The following ZDHHC6 variants were observed in gnomAD, a reference collection of about 807,000 sequenced individuals.
The protein encoded by ZDHHC6 is zDHHC palmitoyltransferase 6.
Under a neutral mutation model 57.8 loss-of-function variants are expected in ZDHHC6, and 32 were observed. The ratio of observed to expected loss-of-function variants is 0.55; its 90% CI spans 0.42 to 0.74. ZDHHC6 has a LOEUF of 0.74. Ranked by LOEUF, ZDHHC6 falls within the 30% of genes least tolerant of loss-of-function variation. The pLI is 0.00. For missense variants in ZDHHC6, 433 were observed against 500.7 expected (o/e 0.86, Z 1.29); for synonymous variants, 128 against 158.0 (o/e 0.81, Z 1.42).
chr10:112,427,388 C>G (rs778546093), downstream of ZDHHC6: 6 of 1,554,912 alleles, frequency 3.9e-6, no homozygotes, highest in Non-Finnish European at 5.2e-6. Flanking sequence ...TGCCGGCCCA[C>G]TGTGCACTGC....
chr10:112,442,834 T>C (rs561240972), intron 3 of ZDHHC6, among the ~76,000 whole-genome samples: 5 of 152,320 alleles, frequency 3.3e-5, no homozygotes, highest in Admixed American at 1.3e-4. Context: ...AATGGATCTC[T>C]GAGCTAAGCA....
downstream of ZDHHC6, chr10:112,427,452 AT>A (rs879295674): frequency 2.1e-3 from 2,494 of 1,214,932 alleles, no homozygotes; most frequent in South Asian, 2.3e-3. Context: ...CTTTCCTCCT[AT>A]TTTTTTTTAA....
In ZDHHC6 at chr10:112,445,229, A is replaced by G; in HGVS notation, c.208T>C (p.Tyr70His). The G allele has an allele frequency of 6.2e-7, 1 of 1,614,212 alleles. No homozygotes were observed. The highest frequency in any genetic ancestry group is 1.3e-5 in the African/African-American group (1 of 75,056). Reference sequence around the variant, plus strand: ...ACAAACATGGCATTGAAGTAATTATAAAGAATCATGACAGTCCAATTTATC... The same window carrying G: ...ACAAACATGGCATTGAAGTAATTATGAAGAATCATGACAGTCCAATTTATC... ...MLINWTVMIL[Y>H]NYFNAMFVGP... Residue 70 changes from tyrosine to histidine, a missense_variant, in exon 2 of 11, where the codon TAT becomes CAT. Physicochemically the swap from Tyr to His is moderately conservative, Grantham distance 83. Transcript: ENST00000369405.
downstream of ZDHHC6, chr10:112,427,552 C>T (rs371359325): frequency 1.3e-5 from 6 of 446,572 alleles, no homozygotes; most frequent in African/African-American, 1.0e-4. Context: ...TCCTGTCTTT[C>T]CCATCTTCGA....
At chr10:112,441,808 G>C (rs1234261504) in intron 4 of ZDHHC6, among the ~76,000 whole-genome samples, 3 of 152,156 alleles carry the variant, frequency 2.0e-5, no homozygotes, top group African/African-American at 7.2e-5. Context: ...CCACCTTCCA[G>C]GGCACTAGAA....
chr10:112,425,535 T>C, downstream of ZDHHC6: 1 of 1,432,324 alleles, frequency 7.0e-7, no homozygotes, highest in Non-Finnish European at 9.3e-7. Context: ...TGCTGGTTCT[T>C]GTAGCTACAG....
chr10:112,426,601 T>A (rs1042074709), downstream of ZDHHC6: 3 of 629,778 alleles, frequency 4.8e-6, no homozygotes, highest in Non-Finnish European at 8.4e-6. Context: ...GAGAAAACTG[T>A]TAACACTTAG....
At chr10:112,425,261 CTG>C (rs1844622756) in exon 12 of ZDHHC6, 3 of 1,308,986 alleles carry the variant, frequency 2.3e-6, no homozygotes, top group African/African-American at 1.5e-5. Context: ...AGAAAGATGA[CTG>C]TGACTTCACC....
At chr10:112,434,158 T>C (rs1845296529) in intron 7 of ZDHHC6, 139 bp downstream of exon 7, 1 of 814,272 alleles carries the variant, frequency 1.2e-6, no homozygotes, top group Non-Finnish European at 1.8e-6. Flanking sequence ...AGGAGTGCTT[T>C]AGAATTATTA....
Position 112,440,523 on chromosome 10 carries a change from G to C in ZDHHC6, c.681+11C>G, listed in dbSNP as rs987541932. 3.1e-6 allele frequency: 5 copies of C among 1,610,342 alleles called. No homozygotes were observed. Among genetic ancestry groups the C allele is most frequent in the Non-Finnish European group, 3.4e-6 (4 of 1,177,774 alleles). On this transcript the variant is annotated intron_variant, in intron 5 of 10. Coordinates refer to ENST00000369405, the MANE Select transcript of ZDHHC6 (RefSeq NM_022494.3). ...TTGACACTTTTGACTTGAGGTAATT[G>C]AGATGCTTACCTGGATAAAAAACAA... is the stretch of plus-strand genomic sequence containing the variant.
intron 6 of ZDHHC6, among the ~76,000 whole-genome samples, chr10:112,436,496 C>T (rs1845545503): frequency 6.6e-6 from 1 of 152,150 alleles, no homozygotes; most frequent in East Asian, 1.9e-4. Flanking sequence ...AAAAAGAAGT[C>T]ATAAAAGGTC....
chr10:112,425,401 A>C (rs779225609), downstream of ZDHHC6: 1 of 1,613,616 alleles, frequency 6.2e-7, no homozygotes, highest in Non-Finnish European at 8.5e-7. Flanking sequence ...AGGAGAATAC[A>C]TTGCACCAGA....
rs765792725 is a variant in ZDHHC6 at position 112,445,319 on chromosome 10, T to C, written c.118A>G (p.Ile40Val). Residue 40 changes from isoleucine to valine, a missense_variant, in exon 2 of 11, where the codon ATT becomes GTT. Coordinates refer to ENST00000369405, the MANE Select transcript of ZDHHC6 (RefSeq NM_022494.3). ...VIAICSTMAM[I>V]DSVLWYWPLH... ...GGCCAATACCACAACACAGAGTCAA[T>C]CATGGCCATGGTAGAACATATTGCT... 1 of 1,614,218 alleles carries C rather than the reference T, an allele frequency of 6.2e-7. No individual in the cohort carries two copies. Among genetic ancestry groups the C allele is most frequent in the Admixed American group, 1.7e-5 (1 of 60,028 alleles).
downstream of ZDHHC6, among the ~76,000 whole-genome samples, chr10:112,425,972 T>C (rs1350307575): frequency 1.3e-5 from 2 of 152,188 alleles, no homozygotes; most frequent in Admixed American, 1.3e-4. Flanking sequence ...ATGTAGCTTT[T>C]AGGGGACAAG....
At chr10:112,436,427 G>C (rs576197515) in intron 6 of ZDHHC6, among the ~76,000 whole-genome samples, 24 of 152,332 alleles carry the variant, frequency 1.6e-4, no homozygotes, top group African/African-American at 5.3e-4. Context: ...AGCGAGCCAA[G>C]ATTGTGCCAC....
chr10:112,432,654 C>T (rs1428169585), intron 8 of ZDHHC6, 133 bp from the exon 9 acceptor site: 7 of 1,057,070 alleles, frequency 6.6e-6, no homozygotes, highest in African/African-American at 3.2e-5. Context: ...CTAGGGGAAC[C>T]TCCCAGTTCC....
At chr10:112,429,381 C>T (rs1008188826), downstream of ZDHHC6, among the ~76,000 whole-genome samples, 2 of 152,312 alleles carry the variant, frequency 1.3e-5, no homozygotes, top group African/African-American at 4.8e-5. Flanking sequence ...TATCCCAAAG[C>T]ACATGACTTG....
chr10:112,440,018 A>G (rs999389269), intron 5 of ZDHHC6, among the ~76,000 whole-genome samples: 1 of 152,130 alleles, frequency 6.6e-6, no homozygotes, highest in Non-Finnish European at 1.5e-5. Context: ...AATATATACT[A>G]TTATAAAATA....
intron 5 of ZDHHC6, among the ~76,000 whole-genome samples, chr10:112,439,669 A>AAAAAAAAAAAAAAAAAAAAT (rs757796332): frequency 2.8e-5 from 3 of 108,562 alleles, no homozygotes; most frequent in Admixed American, 1.2e-4. Flanking sequence ...AAAAAAAAAA[A>AAAAAAAAAAAAAAAAAAAAT]GAATGAAAAA....
Sources: allele counts gnomAD v4.1 joint callset (sites outside exome capture counted in the v4.1 genomes callset), GRCh38; gene constraint gnomAD v4.1.1; transcripts MANE v1.5; gene names NCBI Gene and HGNC (gene_info 2026-07-23, HGNC 2026-07-21).